MYO18B: variants seen among roughly 807,000 people sequenced by gnomAD.
MYO18B encodes unconventional myosin-XVIIIb.
A neutral mutation model predicts 273.0 loss-of-function variants in MYO18B; 204 were observed. That is an observed-to-expected ratio of 0.75 (90% CI 0.67 to 0.84). The LOEUF is 0.84. Among genes scored for constraint, MYO18B ranks in the 40% least tolerant of loss-of-function variants. The probability of loss-of-function intolerance (pLI) is 0.00; values close to 1 mark genes in which losing one functional copy is unlikely to be tolerated. For missense variants in MYO18B, 3,212 were observed against 3,287.6 expected (o/e 0.98, Z 0.56); for synonymous variants, 1,330 against 1,305.7 (o/e 1.02, Z -0.40).
chr22:25,850,484 C>A (rs2090393385), intron 20 of MYO18B, among the ~76,000 whole-genome samples: 1 of 152,142 alleles, frequency 6.6e-6, no homozygotes, highest in Non-Finnish European at 1.5e-5. Flanking sequence ...ATAACATAGG[C>A]CCATGAGTGT....
chr22:25,788,425 T>C (rs2087492777), intron 11 of MYO18B, among the ~76,000 whole-genome samples: 1 of 152,166 alleles, frequency 6.6e-6, no homozygotes. Flanking sequence ...CATTGAATAA[T>C]GTTTTAGTAT....
chr22:26,058,984 TGTGA>T, the MYO18B span, among the ~76,000 whole-genome samples: 1 of 152,238 alleles, frequency 6.6e-6, no homozygotes, highest in Non-Finnish European at 1.5e-5. Flanking sequence ...TATCAACACT[TGTGA>T]GTAAGATAGC....
intron 11 of MYO18B, among the ~76,000 whole-genome samples, chr22:25,787,414 A>G (rs1476924006): frequency 6.6e-6 from 1 of 152,018 alleles, no homozygotes; most frequent in African/African-American, 2.4e-5. Context: ...AGCAATGCTG[A>G]TGCTGCTGGT....
chr22:25,783,500 A>C (rs9620557), intron 10 of MYO18B, among the ~76,000 whole-genome samples: 81,314 of 130,446 alleles, frequency 0.62, 22,516 homozygotes, highest in Non-Finnish European at 0.7. Context: ...AACATCTCTC[A>C]GACACACACA....
chr22:25,859,921 T>C (rs192131251), intron 21 of MYO18B, among the ~76,000 whole-genome samples: 45 of 152,310 alleles, frequency 3.0e-4, no homozygotes, highest in African/African-American at 1.0e-3. Context: ...ACCCCTCGGT[T>C]ACAGAGATAT....
intron 34 of MYO18B, among the ~76,000 whole-genome samples, chr22:25,921,989 T>C (rs954954761): frequency 2.6e-5 from 4 of 152,128 alleles, no homozygotes; most frequent in Non-Finnish European, 5.9e-5. Context: ...GCTAATGATA[T>C]TGATCAAGGC....
the MYO18B span, among the ~76,000 whole-genome samples, chr22:26,047,372 C>T: frequency 6.6e-6 from 1 of 152,170 alleles, no homozygotes; most frequent in Non-Finnish European, 1.5e-5. Flanking sequence ...GTGATCCACC[C>T]ACCTTGGCCT....
intron 39 of MYO18B, among the ~76,000 whole-genome samples, chr22:25,973,174 T>C (rs2093053831): frequency 6.6e-6 from 1 of 152,138 alleles, no homozygotes; most frequent in African/African-American, 2.4e-5. Context: ...AACCACACAC[T>C]TAGTAGGTGT....
At chr22:25,984,014 C>T (rs1245408750) in intron 39 of MYO18B, among the ~76,000 whole-genome samples, 2 of 152,188 alleles carry the variant, frequency 1.3e-5, no homozygotes, top group Admixed American at 6.5e-5. Context: ...TGAAGTTGTC[C>T]TCACTAAACA....
rs1422878503 is a variant in MYO18B at position 26,027,770 on chromosome 22, G to C, written c.*12+80G>C. Reference sequence around the variant, plus strand: ...CTTGGGGAGAGCAGGTGCCACTACTGTCCTTAATGCCACAACCGATTTCTC... The same window carrying C: ...CTTGGGGAGAGCAGGTGCCACTACTCTCCTTAATGCCACAACCGATTTCTC... On this transcript the variant is annotated intron_variant, in intron 43 of 43. Coordinates refer to ENST00000335473, the MANE Select transcript of MYO18B (RefSeq NM_032608.7). The surrounding 1 kb of genome is among the most constrained non-coding windows in gnomAD (Gnocchi z 4.1). 3 of 1,395,058 alleles carry C rather than the reference G, an allele frequency of 2.2e-6. No individual in the cohort carries two copies. Among genetic ancestry groups the C allele is most frequent in the Non-Finnish European group, 2.9e-6 (3 of 1,048,950 alleles). 86.4% of individuals were successfully genotyped at this position (1,395,058 alleles called of 1,614,324 possible).
Position 25,753,781 on chromosome 22 carries a change from A to G in MYO18B, c.-109-7203A>G, listed in dbSNP as rs542953906. Among the ~76,000 whole-genome samples the G allele has an allele frequency of 5.4e-4, 83 of 152,296 alleles. 1 individual carries two copies. The South Asian group carries it at 0.016, about 30-fold the overall frequency. On this transcript the variant is annotated intron_variant, in intron 1 of 43. Coordinates refer to ENST00000335473, the MANE Select transcript of MYO18B (RefSeq NM_032608.7). ...CTGAAGTCAGTGAGACCGCGAACCC[A>G]TGAGAAGGAAGAAACTCCAGACCCG...
In MYO18B at chr22:25,894,981, T is replaced by C; in HGVS notation, c.4544-175T>C. The stretch of plus-strand genomic sequence containing the variant: ...CAGGACAGGCTGCCTGGAGGAAGCG[T>C]TATTTAAAACTCAGAGTTAAAGCAT... On this transcript the variant is annotated intron_variant, in intron 27 of 43. Transcript: ENST00000335473. 4 of 715,160 alleles carry C rather than the reference T, an allele frequency of 5.6e-6. No individual in the cohort carries two copies. In the South Asian group the frequency reaches 6.1e-5, roughly 11 times the overall value. 44.3% of individuals were successfully genotyped at this position (715,160 alleles called of 1,614,324 possible). A position where few individuals can be genotyped will look rare whatever the true frequency, so the allele number is the denominator to read the frequency against.
At chr22:25,783,791 A>C (rs1463005930) in intron 10 of MYO18B, among the ~76,000 whole-genome samples, 1 of 152,210 alleles carries the variant, frequency 6.6e-6, no homozygotes, top group Admixed American at 6.5e-5. Flanking sequence ...TGAGAGGAAG[A>C]GGTGGCCCAG....
At chr22:25,874,853 C>T (rs536159351) in intron 23 of MYO18B, among the ~76,000 whole-genome samples, 1 of 152,338 alleles carries the variant, frequency 6.6e-6, no homozygotes, top group Admixed American at 6.5e-5. Flanking sequence ...AGAGAGAAAA[C>T]CACGTGGCTC....
intron 21 of MYO18B, among the ~76,000 whole-genome samples, chr22:25,864,399 C>G (rs2146120334): frequency 6.6e-6 from 1 of 152,302 alleles, no homozygotes; most frequent in South Asian, 2.1e-4. Context: ...CTCCACCATT[C>G]TGGAAATATC....
intron 1 of MYO18B, among the ~76,000 whole-genome samples, chr22:25,743,901 C>T (rs897148306): frequency 3.3e-5 from 5 of 152,176 alleles, no homozygotes; most frequent in Admixed American, 2.0e-4. Context: ...CCATCAGACT[C>T]ATGTGGGGCA....
At chr22:25,845,613 G>A (rs5761272) in intron 18 of MYO18B, among the ~76,000 whole-genome samples, 103,568 of 152,126 alleles carry the variant, frequency 0.68, 36,293 homozygotes, top group East Asian at 0.99. Context: ...AGAAGGCACT[G>A]TCTGCTCAGG....
At chr22:25,752,878 G>C (rs1333042245) in intron 1 of MYO18B, among the ~76,000 whole-genome samples, 3 of 152,176 alleles carry the variant, frequency 2.0e-5, no homozygotes, top group Admixed American at 6.5e-5. Flanking sequence ...CCGGGTGGTC[G>C]GAGGCTCCGT....
intron 27 of MYO18B, 48 bp from the exon 28 acceptor site, chr22:25,895,108 T>C (rs762746694): frequency 1.9e-5 from 31 of 1,594,968 alleles, no homozygotes. Context: ...ACTCTTGCCT[T>C]ACACTCATTT....
Sources: allele counts gnomAD v4.1 joint callset (sites outside exome capture counted in the v4.1 genomes callset), GRCh38; gene constraint gnomAD v4.1.1; non-coding constraint Gnocchi (gnomAD v3.1); transcripts MANE v1.5; gene names NCBI Gene and HGNC (gene_info 2026-07-23, HGNC 2026-07-21).